Variants in CD5 observed in about 807,000 individuals in gnomAD.
CD5 encodes CD5 molecule, also known as T-cell surface glycoprotein CD5.
In CD5, 36 loss-of-function variants were observed where a neutral mutation model predicts 60.3. That is an observed-to-expected ratio of 0.60 (90% confidence interval 0.46 to 0.79). The LOEUF (loss-of-function observed/expected upper bound fraction) is 0.79. Among genes scored for constraint, CD5 ranks in the 30% least tolerant of loss-of-function variants. The probability of loss-of-function intolerance (pLI) is 0.00; values close to 1 mark genes in which losing one functional copy is unlikely to be tolerated. For missense variants in CD5, 540 were observed against 630.6 expected, an observed-to-expected ratio of 0.86 and a Z score of 1.54; for synonymous variants, 230 against 257.6, an observed-to-expected ratio of 0.89 and a Z score of 1.03.
rs1416624712 is a variant in CD5, at chr11:61,127,000, A to G, written c.*715A>G. ...CCACTGGCTGTCAAGCCCACAGGGC[A>G]CCAGTGCCACCCAGGGCCCGGCACA... is the stretch of plus-strand genomic sequence containing the variant. On this transcript the variant is annotated 3_prime_UTR_variant, in exon 11 of 11. Transcript: ENST00000347785. The G allele has an allele frequency of 6.6e-6, 1 of 152,172 alleles. No individual in the cohort carries two copies. The highest frequency in any genetic ancestry group is 2.4e-5 in the African/African-American group (1 of 41,422). The allele number at this position is 152,172 out of a possible 1,614,324, so 9.4% of individuals were successfully genotyped here.
At position 61,125,758 on chromosome 11, in the gene CD5, A is replaced by C; in HGVS notation, c.1407A>C (p.Glu469Asp). The C allele has an allele frequency of 6.2e-7, 1 of 1,610,426 alleles. No individual in the cohort carries two copies. The highest frequency in any genetic ancestry group is 8.5e-7 in the Non-Finnish European group (1 of 1,177,518). Reference protein sequence around the residue: ...NSHLSAYPALEGALHRSSMQP... With the variant: ...NSHLSAYPALDGALHRSSMQP... ...CGTCCTTTCTTTCCCCAGCTCTGGAAGGGGCTCTGCATCGCTCCTCCATGC... is the reference window on the plus strand; with the variant it reads ...CGTCCTTTCTTTCCCCAGCTCTGGACGGGGCTCTGCATCGCTCCTCCATGC... The change falls in exon 10 of 11, where the codon GAA (glutamate) becomes GAC (aspartate). Residue 469 changes from glutamate to aspartate, a missense_variant. By Grantham distance (45) the Glu-to-Asp change is conservative. Transcript: ENST00000347785.
chr11:61,125,599 C>A, intron 9 of CD5, 152 bp from the exon 10 acceptor site: 1 of 554,106 alleles, frequency 1.8e-6, no homozygotes, highest in Non-Finnish European at 3.2e-6. Flanking sequence ...CATTAGTGAA[C>A]GTTTGGCTGA....
At chr11:61,117,449 C>G (rs1203528954) in intron 2 of CD5, among the ~76,000 whole-genome samples, 1 of 152,098 alleles carries the variant, frequency 6.6e-6, no homozygotes. Flanking sequence ...GAACAGTATC[C>G]TTAAAATGAG....
intron 1 of CD5, among the ~76,000 whole-genome samples, chr11:61,106,354 G>C (rs972390736): frequency 1.4e-4 from 21 of 152,272 alleles, no homozygotes; most frequent in African/African-American, 4.1e-4. Flanking sequence ...AAAGGGAAGA[G>C]GGTCCCAGGC....
rs899617036 is a variant in CD5 at position 61,122,560 on chromosome 11, C to T, written c.1100-347C>T. Among the ~76,000 whole-genome samples the T allele has an allele frequency of 2.7e-4, 41 of 151,922 alleles. 1 individual carries two copies. The highest frequency in any genetic ancestry group is 7.4e-5 in the Non-Finnish European group (5 of 67,912). On this transcript the variant is annotated intron_variant, in intron 6 of 10. Transcript: ENST00000347785. ...ATGGATGGATCAAGAATAGAGGCCC[C>T]GCTGGCTATTGGTATGCAATCATAT...
At chr11:61,099,072 GGGACTTTCCCC>G (rs1386756037), upstream of CD5, among the ~76,000 whole-genome samples, 4 of 152,130 alleles carry the variant, frequency 2.6e-5, no homozygotes, top group Non-Finnish European at 5.9e-5. Flanking sequence ...GGGAAACACA[GGGACTTTCCCC>G]TGCCCCGGGC....
chr11:61,104,989 T>G (rs1860757545), intron 1 of CD5, among the ~76,000 whole-genome samples: 1 of 152,218 alleles, frequency 6.6e-6, no homozygotes, highest in Non-Finnish European at 1.5e-5. Flanking sequence ...CCACCAGAGC[T>G]GGGGACACCA....
At chr11:61,125,241 T>C (rs951426572) in intron 9 of CD5, 90 bp downstream of exon 9, 17 of 1,453,096 alleles carry the variant, frequency 1.2e-5, no homozygotes, top group Non-Finnish European at 1.5e-5. Flanking sequence ...GGTCGGGTGA[T>C]GGCCCAAAGA....
At chr11:61,120,857 C>CCTGT (rs1414500881) in intron 5 of CD5, among the ~76,000 whole-genome samples, 16 of 152,242 alleles carry the variant, frequency 1.1e-4, no homozygotes, top group Non-Finnish European at 2.1e-4. Flanking sequence ...CTGCAGGCTA[C>CCTGT]AACCTGTAAA....
chr11:61,101,314 T>C (rs1174568254), upstream of CD5, among the ~76,000 whole-genome samples: 11 of 57,896 alleles, frequency 1.9e-4, no homozygotes, highest in Admixed American at 2.0e-4. Context: ...ACATGGAGAT[T>C]ACACACACAT....
chr11:61,094,663 C>T, the CD5 span, among the ~76,000 whole-genome samples: 1 of 152,198 alleles, frequency 6.6e-6, no homozygotes, highest in African/African-American at 2.4e-5. Flanking sequence ...CCTTTTTACC[C>T]GTTCTTTGTT....
chr11:61,094,999 G>A, the CD5 span, among the ~76,000 whole-genome samples: 1 of 152,154 alleles, frequency 6.6e-6, no homozygotes, highest in East Asian at 1.9e-4. Flanking sequence ...TGGTTAAGAG[G>A]ACAGGCAGCA....
Position 61,122,868 on chromosome 11 carries a change from C to G in CD5, c.1100-39C>G, listed in dbSNP as rs757097043. 54 of 1,577,768 alleles carry G rather than the reference C, an allele frequency of 3.4e-5. 1 individual carries two copies. The highest frequency in any genetic ancestry group is 6.9e-5 in the Admixed American group (4 of 57,690). On this transcript the variant is annotated intron_variant, in intron 6 of 10. Coordinates refer to ENST00000347785, the MANE Select transcript of CD5 (RefSeq NM_014207.4). ...CTTCCCTCCCACAGTTTTTCTCCCC[C>G]CAGGACTGGGACTGACCTAACTCTT...
upstream of CD5, among the ~76,000 whole-genome samples, chr11:61,100,059 TCAA>T (rs1860641798): frequency 2.2e-5 from 1 of 45,228 alleles, no homozygotes; most frequent in Non-Finnish European, 4.1e-5. Context: ...CACACACACA[TCAA>T]CATGGAGATC....
chr11:61,098,836 G>T (rs953404506), upstream of CD5, among the ~76,000 whole-genome samples: 1 of 152,170 alleles, frequency 6.6e-6, no homozygotes, highest in African/African-American at 2.4e-5. Context: ...GGCTTGTCCT[G>T]CTACAGGTCT....
the CD5 span, among the ~76,000 whole-genome samples, chr11:61,096,786 C>T: frequency 1.3e-5 from 2 of 152,210 alleles, no homozygotes; most frequent in Admixed American, 1.3e-4. Context: ...GCAATGGCCC[C>T]AAGTATGGAC....
chr11:61,101,821 A>G (rs1483139823), upstream of CD5, among the ~76,000 whole-genome samples: 1 of 151,898 alleles, frequency 6.6e-6, no homozygotes, highest in African/African-American at 2.4e-5. Context: ...TGGAGCTCAC[A>G]CATACACCTC....
chr11:61,115,882 A>G (rs1256270628), intron 2 of CD5, among the ~76,000 whole-genome samples: 1 of 152,194 alleles, frequency 6.6e-6, no homozygotes, highest in African/African-American at 2.4e-5. Flanking sequence ...GCTTTGGCAC[A>G]CTGCTTGACC....
chr11:61,098,540 A>G (rs1860613130), upstream of CD5, among the ~76,000 whole-genome samples: 1 of 152,206 alleles, frequency 6.6e-6, no homozygotes, highest in African/African-American at 2.4e-5. Context: ...CTAATCTGTT[A>G]TGTTATCTAT....
Sources: allele counts gnomAD v4.1 joint callset (sites outside exome capture counted in the v4.1 genomes callset), GRCh38; gene constraint gnomAD v4.1.1; transcripts MANE v1.5; gene names NCBI Gene and HGNC (gene_info 2026-07-23, HGNC 2026-07-21).